SAMD12: variants seen among roughly 807,000 people sequenced by gnomAD.
SAMD12 encodes sterile alpha motif domain-containing protein 12.
In SAMD12, 9 loss-of-function variants were observed where a neutral mutation model predicts 15.0. The observed-to-expected ratio is 0.60, with a 90% CI of 0.36 to 1.05. SAMD12 has a LOEUF of 1.05. SAMD12 is among the 50% of genes least tolerant of loss of function. The pLI is 0.01. For missense variants in SAMD12, 230 were observed against 234.2 expected (o/e 0.98, Z 0.12); for synonymous variants, 86 against 90.1 (o/e 0.96, Z 0.25).
chr8:118,600,953 A>G lies in SAMD12; in HGVS notation c.14-20060T>C, dbSNP rs990766671. On this transcript the variant is annotated intron_variant, in intron 1 of 3. Coordinates refer to ENST00000314727, the MANE Select transcript of SAMD12 (RefSeq NM_207506.3). ...GGCACTCCTTATTCCGACTCATGAC[A>G]AGAAAAGAATAAATCACAGACATGC... Among the ~76,000 whole-genome samples, 10 of 152,326 alleles carry G rather than the reference A, an allele frequency of 6.6e-5. No homozygotes were observed. In the East Asian group the frequency reaches 1.4e-3, roughly 21 times the overall value.
chr8:118,496,822 A>G (rs1271597441), intron 2 of SAMD12, among the ~76,000 whole-genome samples: 1 of 152,164 alleles, frequency 6.6e-6, no homozygotes, highest in Non-Finnish European at 1.5e-5. Flanking sequence ...CGCATCTGAC[A>G]GAAGTGTCAT....
intron 2 of SAMD12, among the ~76,000 whole-genome samples, chr8:118,541,463 A>G (rs58568813): frequency 0.018 from 2,772 of 152,344 alleles, 82 homozygotes; most frequent in African/African-American, 0.062. Flanking sequence ...AGGACCCAAC[A>G]GTAAACATTT....
chr8:118,426,513 A>G (rs899473080), intron 3 of SAMD12, among the ~76,000 whole-genome samples: 4 of 152,158 alleles, frequency 2.6e-5, no homozygotes, highest in Non-Finnish European at 5.9e-5. Context: ...CCTCCAAGAA[A>G]CCATGGGCAT....
chr8:118,292,570 T>C lies in SAMD12; in HGVS notation c.433+86990A>G, dbSNP rs527589076. 2.0e-5 allele frequency among the ~76,000 whole-genome samples: 3 copies of C among 152,188 alleles called. No individual in the cohort carries two copies. The East Asian group carries it at 5.8e-4, about 30-fold the overall frequency. Reference sequence around the variant, plus strand: ...TACTGGGTATATACCCAAATGACTATAAATCATGCTGCTATAAAGACACAT... The same window carrying C: ...TACTGGGTATATACCCAAATGACTACAAATCATGCTGCTATAAAGACACAT... On this transcript the variant is annotated intron_variant, in intron 4 of 4. Coordinates refer to the SAMD12 transcript ENST00000409003.
At chr8:118,262,365 G>T (rs1318024826) in intron 4 of SAMD12, among the ~76,000 whole-genome samples, 1 of 152,030 alleles carries the variant, frequency 6.6e-6, no homozygotes. Flanking sequence ...TTTCAGCATG[G>T]AAACAAAACA....
intron 1 of SAMD12, among the ~76,000 whole-genome samples, chr8:118,603,237 C>T (rs1197864244): frequency 2.0e-5 from 3 of 151,988 alleles, no homozygotes; most frequent in Non-Finnish European, 4.4e-5. Context: ...AAAAAACAAT[C>T]CCAGAAATGA....
At chr8:118,616,488 G>C (rs1305433462) in intron 1 of SAMD12, among the ~76,000 whole-genome samples, 1 of 152,210 alleles carries the variant, frequency 6.6e-6, no homozygotes, top group Non-Finnish European at 1.5e-5. Flanking sequence ...ATCACACAGA[G>C]GCAGGACAGA....
At chr8:118,605,107 A>G in intron 1 of SAMD12, among the ~76,000 whole-genome samples, 1 of 152,204 alleles carries the variant, frequency 6.6e-6, no homozygotes, top group South Asian at 2.1e-4. Context: ...ATTTGGTCCA[A>G]CACAGATACG....
intron 4 of SAMD12, among the ~76,000 whole-genome samples, chr8:118,334,672 T>G (rs1170976967): frequency 6.6e-6 from 1 of 152,178 alleles, no homozygotes; most frequent in Non-Finnish European, 1.5e-5. Flanking sequence ...CATGGCTCAC[T>G]GAAGCCTCAA....
chr8:118,505,343 CTTT>C (rs56822477), intron 2 of SAMD12, among the ~76,000 whole-genome samples: 59 of 133,358 alleles, frequency 4.4e-4, no homozygotes, highest in African/African-American at 1.5e-3. Context: ...GGGCAGAGCT[CTTT>C]TTTTTTTTTT....
chr8:118,397,126 T>C (rs1045779131), intron 3 of SAMD12, among the ~76,000 whole-genome samples: 1 of 152,206 alleles, frequency 6.6e-6, no homozygotes, highest in Non-Finnish European at 1.5e-5. Context: ...AAAGTGGGCA[T>C]GTTGCTATAC....
At chr8:118,261,063 C>T (rs143730898) in intron 4 of SAMD12, among the ~76,000 whole-genome samples, 22 of 152,110 alleles carry the variant, frequency 1.4e-4, no homozygotes, top group Non-Finnish European at 2.6e-4. Flanking sequence ...TTGTTAAAAG[C>T]GTAAATGAGT....
At chr8:118,458,392 G>C (rs949256800) in intron 2 of SAMD12, among the ~76,000 whole-genome samples, 18 of 152,114 alleles carry the variant, frequency 1.2e-4, no homozygotes, top group African/African-American at 4.3e-4. Context: ...TTGACCTTCT[G>C]AACAGGTGCA....
At chr8:118,139,264 A>G in the SAMD12 span, among the ~76,000 whole-genome samples, 59,267 of 151,790 alleles carry the variant, frequency 0.39, 13,003 homozygotes, top group Middle Eastern at 0.52. Flanking sequence ...GAGAAACCCA[A>G]TGATAAAGGG....
intron 2 of SAMD12, among the ~76,000 whole-genome samples, chr8:118,560,208 T>C (rs1826665053): frequency 6.6e-6 from 1 of 152,226 alleles, no homozygotes; most frequent in Non-Finnish European, 1.5e-5. Flanking sequence ...AAATTCCTAC[T>C]TTCCTCAGTC....
At chr8:118,530,962 T>C (rs2131118209) in intron 2 of SAMD12, among the ~76,000 whole-genome samples, 1 of 152,306 alleles carries the variant, frequency 6.6e-6, no homozygotes, top group African/African-American at 2.4e-5. Flanking sequence ...TGCCTCAGGT[T>C]CCCAAGTAGC....
downstream of SAMD12, among the ~76,000 whole-genome samples, chr8:118,376,604 C>T (rs1334135955): frequency 6.6e-6 from 1 of 152,088 alleles, no homozygotes; most frequent in Non-Finnish European, 1.5e-5. Flanking sequence ...GCAGCCTGAA[C>T]ATGTTAGATA....
intron 4 of SAMD12, among the ~76,000 whole-genome samples, chr8:118,232,106 G>T (rs901664993): frequency 6.6e-6 from 1 of 151,998 alleles, no homozygotes; most frequent in Admixed American, 6.6e-5. Context: ...TATCTTTTTG[G>T]TCCCTCTGTT....
At chr8:118,333,934 G>C (rs1163044020) in intron 4 of SAMD12, among the ~76,000 whole-genome samples, 14 of 130,954 alleles carry the variant, frequency 1.1e-4, no homozygotes, top group African/African-American at 4.2e-4. Context: ...GTATGTCTGT[G>C]TGTGTGTGTG....
Sources: gnomAD v4.1 joint callset for allele counts (sites outside exome capture counted in the v4.1 genomes callset) on GRCh38, gnomAD v4.1.1 for gene constraint, MANE v1.5 for transcripts, NCBI Gene and HGNC (gene_info 2026-07-23, HGNC 2026-07-21) for gene names.